ZC3H7A: variants seen among roughly 807,000 people sequenced by gnomAD.
The protein encoded by ZC3H7A is zinc finger CCCH domain-containing protein 7A.
ZC3H7A carries 44 observed loss-of-function variants against 125.5 expected under a neutral mutation model. The ratio of observed to expected loss-of-function variants is 0.35; its 90% CI spans 0.28 to 0.45. The LOEUF (loss-of-function observed/expected upper bound fraction) is 0.45, where lower values mean the gene tolerates loss of function less well. Ranked by LOEUF, ZC3H7A falls within the 20% of genes least tolerant of loss-of-function variation. The pLI is 1.00. For synonymous variants in ZC3H7A, 399 were observed against 391.2 expected (o/e 1.02, Z -0.23); for missense variants, 977 against 1,170.7 (o/e 0.83, Z 2.41).
At chr16:11,763,974 T>C in intron 15 of ZC3H7A, among the ~76,000 whole-genome samples, 1 of 151,556 alleles carries the variant, frequency 6.6e-6, no homozygotes, top group Non-Finnish European at 1.5e-5. Flanking sequence ...CAGCTAATTT[T>C]TAATAGAGAC....
rs2052540232 is a variant in ZC3H7A, at chr16:11,750,636, C to T, written c.*681G>A. 6.6e-6 allele frequency: 1 copy of T among 152,574 alleles called. No individual in the cohort carries two copies. The highest frequency in any genetic ancestry group is 1.5e-5 in the Non-Finnish European group (1 of 68,020). 9.5% of individuals were successfully genotyped at this position (152,574 alleles called of 1,614,324 possible). ...TTATTACAGGCAGTATTGGTCCATA[C>T]ACTAACACAATACCAACAGTACAGG... On this transcript the variant is annotated 3_prime_UTR_variant, in exon 23 of 23. Transcript: ENST00000355758.
intron 1 of ZC3H7A, chr16:11,782,607 T>A: frequency 3.7e-6 from 1 of 267,420 alleles, no homozygotes; most frequent in Non-Finnish European, 6.8e-6. Context: ...TATTCTTTTT[T>A]TTTTTTTTTT....
chr16:11,788,193 C>G (rs1467441520), intron 1 of ZC3H7A, among the ~76,000 whole-genome samples: 1 of 152,174 alleles, frequency 6.6e-6, no homozygotes, highest in African/African-American at 2.4e-5. Context: ...CACCTCACAG[C>G]CTGGGCTAGG....
intron 6 of ZC3H7A, 34 bp from the exon 7 acceptor site, chr16:11,776,392 G>A (rs1465594803): frequency 2.5e-6 from 4 of 1,606,528 alleles, no homozygotes; most frequent in Non-Finnish European, 3.4e-6. Context: ...TTTAAAAACA[G>A]AACTGACTCC....
chr16:11,772,695 G>T (rs2053006482), intron 9 of ZC3H7A, among the ~76,000 whole-genome samples: 1 of 149,618 alleles, frequency 6.7e-6, no homozygotes, highest in African/African-American at 2.5e-5. Flanking sequence ...AGGGGTCAGA[G>T]AAGTCTTTTT....
At chr16:11,793,858 C>CA (rs1238638057) in intron 1 of ZC3H7A, among the ~76,000 whole-genome samples, 3 of 152,162 alleles carry the variant, frequency 2.0e-5, no homozygotes, top group African/African-American at 7.2e-5. Flanking sequence ...GACAGTATGC[C>CA]AAACAACAGC....
intron 16 of ZC3H7A, 62 bp downstream of exon 16, chr16:11,763,416 C>T (rs1040986509): frequency 1.3e-6 from 2 of 1,497,806 alleles, no homozygotes; most frequent in Non-Finnish European, 1.8e-6. Context: ...GCCCAAATTA[C>T]TGTTTCATTA....
intron 1 of ZC3H7A, among the ~76,000 whole-genome samples, chr16:11,787,626 A>AT (rs2053278216): frequency 2.0e-5 from 3 of 152,180 alleles, no homozygotes; most frequent in South Asian, 4.2e-4. Flanking sequence ...TGCTCAGCTA[A>AT]TTTTTTTAAT....
chr16:11,773,409 A>G (rs1247578400), intron 9 of ZC3H7A, among the ~76,000 whole-genome samples: 2 of 151,874 alleles, frequency 1.3e-5, no homozygotes, highest in Non-Finnish European at 2.9e-5. Flanking sequence ...TATAATCTCC[A>G]TATGTCACAA....
chr16:11,780,767 C>A (rs1483936962), intron 3 of ZC3H7A, among the ~76,000 whole-genome samples: 1 of 151,992 alleles, frequency 6.6e-6, no homozygotes, highest in African/African-American at 2.4e-5. Flanking sequence ...TCAAAACCCT[C>A]AGAGGAAAAA....
chr16:11,766,098 G>GAA (rs5815653), intron 13 of ZC3H7A, among the ~76,000 whole-genome samples: 3 of 142,028 alleles, frequency 2.1e-5, no homozygotes, highest in East Asian at 2.0e-4. Context: ...CACCTCAGCT[G>GAA]AAAAAAAAAA....
chr16:11,751,649 T>C, intron 22 of ZC3H7A, 143 bp from the exon 23 acceptor site: 1 of 788,768 alleles, frequency 1.3e-6, no homozygotes, highest in South Asian at 2.1e-5. Context: ...ATGGTAAATA[T>C]TTTATAGCCA....
chr16:11,797,071 G>A (rs866188433), intron 1 of ZC3H7A, 53 bp downstream of exon 1: 1 of 144,158 alleles, frequency 6.9e-6, no homozygotes, highest in Non-Finnish European at 1.5e-5. Context: ...GGGGGGGCGG[G>A]GGCGCGGGCG....
intron 1 of ZC3H7A, among the ~76,000 whole-genome samples, chr16:11,784,339 A>T (rs909980851): frequency 1.3e-5 from 2 of 151,872 alleles, no homozygotes; most frequent in African/African-American, 4.8e-5. Context: ...AAATTTATAT[A>T]TTTTTTTAAT....
At position 11,769,061 on chromosome 16, in the gene ZC3H7A, C is replaced by T; in HGVS notation, c.1143G>A (p.Pro381=). 6.2e-7 allele frequency: 1 copy of T among 1,610,054 alleles called. No individual in the cohort carries two copies. Among genetic ancestry groups the T allele is most frequent in the African/African-American group, 1.3e-5 (1 of 74,798 alleles). ...LSTSTSREGT[P]LNNSNSSLLL... The stretch of plus-strand genomic sequence containing the variant: ...AAAGGGAAGAATTACTGTTGTTAAG[C>T]GGTGTTCCCTCTCTAGAAGTTGAGG... Residue 381 remains proline, a synonymous_variant, in exon 11 of 23, where the codon CCG becomes CCA. Coordinates refer to ENST00000355758, the MANE Select transcript of ZC3H7A (RefSeq NM_014153.4).
intron 4 of ZC3H7A, 150 bp from the exon 5 acceptor site, chr16:11,777,059 AT>A: frequency 1.7e-6 from 1 of 604,174 alleles, no homozygotes; most frequent in Non-Finnish European, 2.6e-6. Context: ...TTTTTAAATT[AT>A]TTTATGAAAT....
In ZC3H7A at chr16:11,752,714, C is replaced by T; in HGVS notation, c.2681G>A (p.Cys894Tyr). ...GCCTGTTGGGAAGCGGTGCTGCCAG[C>T]AGTACTGGTCGTCCTCGGTGTGGAA... ...KVFHTEDDQY[C>Y]WQHRFPTGYF... Residue 894 changes from cysteine (C) to tyrosine (Y), a missense_variant, in exon 22 of 23, where the codon TGC becomes TAC. Coordinates refer to ENST00000355758, the MANE Select transcript of ZC3H7A (RefSeq NM_014153.4). 1 of 1,614,144 alleles carries T rather than the reference C, an allele frequency of 6.2e-7. No homozygotes were observed. Among genetic ancestry groups the T allele is most frequent in the Non-Finnish European group, 8.5e-7 (1 of 1,180,028 alleles).
intron 4 of ZC3H7A, among the ~76,000 whole-genome samples, chr16:11,778,252 C>T (rs2053115463): frequency 6.6e-6 from 1 of 151,834 alleles, no homozygotes; most frequent in Non-Finnish European, 1.5e-5. Flanking sequence ...GCCTGGGCAA[C>T]ACAGTGAAAC....
At chr16:11,770,041 C>T (rs1430157586) in intron 10 of ZC3H7A, among the ~76,000 whole-genome samples, 1 of 151,928 alleles carries the variant, frequency 6.6e-6, no homozygotes, top group Middle Eastern at 3.2e-3. Context: ...CCTGACTCGG[C>T]CTCCCAAAGT....
Sources: allele counts gnomAD v4.1 joint callset (sites outside exome capture counted in the v4.1 genomes callset), GRCh38; gene constraint gnomAD v4.1.1; transcripts MANE v1.5; gene names NCBI Gene and HGNC (gene_info 2026-07-23, HGNC 2026-07-21).